Variants in ENTREP2 observed in about 807,000 individuals in gnomAD.
ENTREP2 encodes endosomal transmembrane epsin interactor 2, also known as protein ENTREP2.
At chr15:29,124,341 C>T in the ENTREP2 span, among the ~76,000 whole-genome samples, 1 of 152,232 alleles carries the variant, frequency 6.6e-6, no homozygotes, top group Non-Finnish European at 1.5e-5. Flanking sequence ...AAAGTTGGAA[C>T]ATTCTGGGTC....
the ENTREP2 span, among the ~76,000 whole-genome samples, chr15:29,140,326 C>T: frequency 7.2e-5 from 11 of 152,198 alleles, no homozygotes; most frequent in African/African-American, 1.9e-4. Context: ...CGCCTCCTTG[C>T]GGGGCAACTC....
At chr15:29,556,570 A>G in the ENTREP2 span, among the ~76,000 whole-genome samples, 6 of 152,174 alleles carry the variant, frequency 3.9e-5, no homozygotes, top group Non-Finnish European at 7.3e-5. Flanking sequence ...CAGTTTTGCC[A>G]AGAATAATAA....
the ENTREP2 span, among the ~76,000 whole-genome samples, chr15:29,478,015 AT>A: frequency 1.6e-5 from 1 of 62,402 alleles, no homozygotes; most frequent in Non-Finnish European, 2.7e-5. Context: ...ATATATATAT[AT>A]ATATTTTTTT....
chr15:29,577,075 G>A, the ENTREP2 span, among the ~76,000 whole-genome samples: 1 of 151,690 alleles, frequency 6.6e-6, no homozygotes, highest in East Asian at 1.9e-4. Context: ...CCAAAGTGCT[G>A]GGATTACAGG....
chr15:29,586,618 G>T, the ENTREP2 span, among the ~76,000 whole-genome samples: 1 of 151,986 alleles, frequency 6.6e-6, no homozygotes, highest in Non-Finnish European at 1.5e-5. Context: ...TTAGCTGGGC[G>T]TGGTGGTGCA....
At chr15:29,271,876 C>CA in the ENTREP2 span, among the ~76,000 whole-genome samples, 1 of 151,900 alleles carries the variant, frequency 6.6e-6, no homozygotes. Flanking sequence ...TGCCTTGAGT[C>CA]AAAAAAGTTC....
chr15:29,333,808 A>G, the ENTREP2 span, among the ~76,000 whole-genome samples: 1 of 152,092 alleles, frequency 6.6e-6, no homozygotes, highest in Admixed American at 6.5e-5. Context: ...ATTGACTAAG[A>G]TGAGGTCATA....
the ENTREP2 span, among the ~76,000 whole-genome samples, chr15:29,398,352 G>A: frequency 4.6e-5 from 7 of 151,800 alleles, no homozygotes; most frequent in African/African-American, 1.2e-4. Context: ...TTAATGTGAC[G>A]AAAATGAAAA....
At chr15:29,415,737 A>G in the ENTREP2 span, among the ~76,000 whole-genome samples, 1 of 152,172 alleles carries the variant, frequency 6.6e-6, no homozygotes, top group East Asian at 1.9e-4. Flanking sequence ...ACATGATTGT[A>G]TATCTAGAAA....
the ENTREP2 span, among the ~76,000 whole-genome samples, chr15:29,505,802 G>A: frequency 5.9e-5 from 9 of 152,288 alleles, no homozygotes; most frequent in African/African-American, 2.2e-4. This position sits in a 1 kb window ranked among gnomAD's most constrained non-coding sequence, Gnocchi z 4.3. Context: ...TGAAGATGCA[G>A]AAAAACCAGA....
chr15:29,128,519 G>A, the ENTREP2 span, among the ~76,000 whole-genome samples: 1 of 152,122 alleles, frequency 6.6e-6, no homozygotes, highest in Non-Finnish European at 1.5e-5. Context: ...GTGAGAAAGT[G>A]GGGCAGAGGA....
At chr15:29,366,213 A>G in the ENTREP2 span, among the ~76,000 whole-genome samples, 5 of 152,112 alleles carry the variant, frequency 3.3e-5, no homozygotes, top group East Asian at 9.6e-4. Context: ...AGCTGGGACT[A>G]CAGGTTCATG....
At chr15:29,160,087 C>G in the ENTREP2 span, among the ~76,000 whole-genome samples, 1 of 152,206 alleles carries the variant, frequency 6.6e-6, no homozygotes, top group Non-Finnish European at 1.5e-5. Context: ...AGCTAAGGCC[C>G]GGTGAGAAAT....
chr15:29,610,287 AG>A, the ENTREP2 span: 1 of 150,642 alleles, frequency 6.6e-6, no homozygotes, highest in African/African-American at 2.4e-5. Flanking sequence ...ACAGCTGTCC[AG>A]GATAAATACT....
chr15:29,536,215 T>A, the ENTREP2 span, among the ~76,000 whole-genome samples: 12 of 152,282 alleles, frequency 7.9e-5, no homozygotes, highest in African/African-American at 2.6e-4. Flanking sequence ...TCCTTGCCAC[T>A]AAGAAGAGAC....
At chr15:29,361,168 G>T in the ENTREP2 span, among the ~76,000 whole-genome samples, 1 of 152,170 alleles carries the variant, frequency 6.6e-6, no homozygotes, top group African/African-American at 2.4e-5. Flanking sequence ...CATTCTCACT[G>T]TAAGATTCAG....
chr15:29,209,073 G>A, the ENTREP2 span, among the ~76,000 whole-genome samples: 1 of 152,222 alleles, frequency 6.6e-6, no homozygotes, highest in Non-Finnish European at 1.5e-5. Context: ...GGATGCTGGA[G>A]ATGTTTTACT....
the ENTREP2 span, among the ~76,000 whole-genome samples, chr15:29,353,432 C>T: frequency 6.6e-6 from 1 of 152,112 alleles, no homozygotes; most frequent in East Asian, 1.9e-4. Flanking sequence ...AATGTATGCA[C>T]TTAGGTAGGT....
the ENTREP2 span, among the ~76,000 whole-genome samples, chr15:29,299,277 T>C: frequency 1.3e-5 from 2 of 152,320 alleles, no homozygotes; most frequent in Middle Eastern, 3.4e-3. Context: ...CACTTTCCTA[T>C]GGTCATGAGG....
Sources: allele counts gnomAD v4.1 joint callset (sites outside exome capture counted in the v4.1 genomes callset), GRCh38; gene constraint gnomAD v4.1.1; non-coding constraint Gnocchi (gnomAD v3.1); transcripts MANE v1.5; gene names NCBI Gene and HGNC (gene_info 2026-07-23, HGNC 2026-07-21).